The following ZNF138 variants were observed in gnomAD, a reference collection of about 807,000 sequenced individuals.
ZNF138 encodes zinc finger protein 138, also known as zinc finger protein 138 (clone pHZ-32).
In ZNF138, 33 loss-of-function variants were observed where a neutral mutation model predicts 33.0. That is an observed-to-expected ratio of 1.00 (90% CI 0.76 to 1.34). The LOEUF (loss-of-function observed/expected upper bound fraction) is 1.34, where lower values mean the gene tolerates loss of function less well. Among genes scored for constraint, ZNF138 ranks in the 40% most tolerant of loss-of-function variants. ZNF138 has a pLI of 0.00. For missense variants in ZNF138, 360 were observed against 370.8 expected (o/e 0.97, Z 0.24); for synonymous variants, 139 against 120.4 (o/e 1.15, Z -1.01).
intron 3 of ZNF138, among the ~76,000 whole-genome samples, chr7:64,827,472 C>T (rs1015032417): frequency 6.6e-6 from 1 of 151,382 alleles, no homozygotes; most frequent in Non-Finnish European, 1.5e-5. Flanking sequence ...TCTCGATCTC[C>T]TGACCTCGTG....
chr7:64,835,110 G>A (rs1790324212), downstream of ZNF138, among the ~76,000 whole-genome samples: 1 of 152,110 alleles, frequency 6.6e-6, no homozygotes, highest in South Asian at 2.1e-4. Flanking sequence ...ACTTCTGAGT[G>A]TGACACGCCC....
chr7:64,834,115 A>G (rs1449070358), downstream of ZNF138, among the ~76,000 whole-genome samples: 2 of 152,046 alleles, frequency 1.3e-5, no homozygotes, highest in Non-Finnish European at 2.9e-5. Context: ...CCTTACTTGT[A>G]TCACAGATCT....
At chr7:64,794,994 A>G (rs1490036482) in intron 1 of ZNF138, among the ~76,000 whole-genome samples, 1 of 152,160 alleles carries the variant, frequency 6.6e-6, no homozygotes, top group Non-Finnish European at 1.5e-5. Flanking sequence ...TTAATCAAAC[A>G]GTGATTCAAG....
At chr7:64,798,124 A>G (rs1252837526) in intron 1 of ZNF138, among the ~76,000 whole-genome samples, 2 of 152,110 alleles carry the variant, frequency 1.3e-5, no homozygotes, top group Non-Finnish European at 2.9e-5. Flanking sequence ...TATTTTTACT[A>G]GAAATGGGGT....
At chr7:64,827,743 A>G (rs577782730) in intron 3 of ZNF138, among the ~76,000 whole-genome samples, 10 of 152,188 alleles carry the variant, frequency 6.6e-5, no homozygotes, top group African/African-American at 2.2e-4. Flanking sequence ...GATTTCTTTC[A>G]TGAATATATT....
intron 1 of ZNF138, among the ~76,000 whole-genome samples, chr7:64,803,927 ATGC>A (rs1438735595): frequency 2.0e-5 from 3 of 152,212 alleles, no homozygotes; most frequent in African/African-American, 4.8e-5. Context: ...CTAAATTGGA[ATGC>A]TGCTGTTACA....
At chr7:64,803,762 T>C (rs989921525) in intron 1 of ZNF138, among the ~76,000 whole-genome samples, 1 of 151,792 alleles carries the variant, frequency 6.6e-6, no homozygotes, top group Non-Finnish European at 1.5e-5. Flanking sequence ...AAAAATCCTA[T>C]GTACATTATA....
intron 1 of ZNF138, among the ~76,000 whole-genome samples, chr7:64,799,255 C>A (rs1002912025): frequency 6.6e-6 from 1 of 151,986 alleles, no homozygotes; most frequent in Non-Finnish European, 1.5e-5. Context: ...CAACCTCTGC[C>A]TCTGGATTCA....
intron 1 of ZNF138, among the ~76,000 whole-genome samples, chr7:64,798,388 T>A (rs1786862917): frequency 6.6e-6 from 1 of 152,246 alleles, no homozygotes; most frequent in Non-Finnish European, 1.5e-5. Context: ...ATATTTTGAT[T>A]AAGAAGTATT....
At chr7:64,846,769 T>G in the ZNF138 span, among the ~76,000 whole-genome samples, 2 of 152,204 alleles carry the variant, frequency 1.3e-5, no homozygotes, top group Non-Finnish European at 2.9e-5. Flanking sequence ...CTTGTTTGAT[T>G]GCTTTGAGTA....
intron 2 of ZNF138, 111 bp from the exon 3 acceptor site, chr7:64,815,465 T>G: frequency 1.2e-6 from 1 of 806,172 alleles, no homozygotes; most frequent in Non-Finnish European, 1.9e-6. Flanking sequence ...TACTAGAATA[T>G]TCTATTACAT....
chr7:64,826,952 A>G (rs1356505933), intron 3 of ZNF138, among the ~76,000 whole-genome samples: 1 of 150,668 alleles, frequency 6.6e-6, no homozygotes, highest in Non-Finnish European at 1.5e-5. Context: ...GCCTGGCCTC[A>G]TTTTTCATAT....
chr7:64,859,763 A>G, the ZNF138 span, among the ~76,000 whole-genome samples: 1 of 152,256 alleles, frequency 6.6e-6, no homozygotes, highest in Non-Finnish European at 1.5e-5. Context: ...ATTTAGTTCC[A>G]ATCACAATAA....
At chr7:64,847,334 T>A in the ZNF138 span, among the ~76,000 whole-genome samples, 30,026 of 93,024 alleles carry the variant, frequency 0.32, 4,027 homozygotes, top group Middle Eastern at 0.44. Flanking sequence ...ATATATATAT[T>A]TTTTTTTTTT....
At chr7:64,844,141 G>A in the ZNF138 span, among the ~76,000 whole-genome samples, 1 of 152,166 alleles carries the variant, frequency 6.6e-6, no homozygotes. Context: ...TTTTTAAAAA[G>A]TCACTGCAGC....
intron 1 of ZNF138, among the ~76,000 whole-genome samples, chr7:64,813,669 C>T (rs201704308): frequency 6.6e-6 from 1 of 151,932 alleles, no homozygotes; most frequent in South Asian, 2.1e-4. Context: ...CTCCTGACCT[C>T]GTGATCCGCC....
chr7:64,814,076 A>G lies in ZNF138; in HGVS notation c.4-842A>G, dbSNP rs1053373976. The G allele has an allele frequency of 4.1e-6, 5 of 1,229,000 alleles. No individual in the cohort carries two copies. In the South Asian group the frequency reaches 7.1e-5, roughly 17 times the overall value. The allele number at this position is 1,229,000 out of a possible 1,614,324, so 76.1% of individuals were successfully genotyped here. Reference sequence around the variant, plus strand: ...GTTTACAGGCCAGAAAAACTGGGAAAATCACAGGCTCTTCCACTTACTGGA... The same window carrying G: ...GTTTACAGGCCAGAAAAACTGGGAAGATCACAGGCTCTTCCACTTACTGGA... On this transcript the variant is annotated intron_variant, in intron 1 of 3. Transcript: ENST00000307355.
chr7:64,817,651 A>G (rs1028956827), intron 3 of ZNF138, among the ~76,000 whole-genome samples: 1 of 148,574 alleles, frequency 6.7e-6, no homozygotes, highest in African/African-American at 2.5e-5. Flanking sequence ...CTCTCTGATA[A>G]AGGAATTTTT....
rs760729781 is a variant in ZNF138, at chr7:64,832,061, T to C, written c.819T>C (p.His273=). ...ACCTTACTAGACATAAGATAATTCA[T>C]ACTGAAGAGAAACCCTACAAATGTG... ...SSHLTRHKII[H]TEEKPYKCEQ... The change falls in exon 4 of 4, where the codon CAT becomes CAC. Residue 273 remains histidine (H), a synonymous_variant. Transcript: ENST00000307355. 9 of 1,613,968 alleles carry C rather than the reference T, an allele frequency of 5.6e-6. No homozygotes were observed. The highest frequency in any genetic ancestry group is 7.6e-6 in the Non-Finnish European group (9 of 1,179,926).
Sources: allele counts gnomAD v4.1 joint callset (sites outside exome capture counted in the v4.1 genomes callset), GRCh38; gene constraint gnomAD v4.1.1; transcripts MANE v1.5; gene names NCBI Gene and HGNC (gene_info 2026-07-23, HGNC 2026-07-21).